The following EXOC2 variants were observed in gnomAD, a reference collection of about 807,000 sequenced individuals.
EXOC2 encodes exocyst complex component 2.
EXOC2 carries 70 observed loss-of-function variants against 131.8 expected under a neutral mutation model. That is an observed-to-expected ratio of 0.53 (90% CI 0.44 to 0.65). The LOEUF (loss-of-function observed/expected upper bound fraction) is 0.65, where lower values mean the gene tolerates loss of function less well. Ranked by LOEUF, EXOC2 falls within the 30% of genes least tolerant of loss-of-function variation. The pLI, the probability that EXOC2 is intolerant of heterozygous loss-of-function variation, is 0.00. For missense variants in EXOC2, 923 were observed against 1,108.6 expected (o/e 0.83, Z 2.38); for synonymous variants, 411 against 398.4 (o/e 1.03, Z -0.38).
chr6:584,614 C>G (rs1269017836), intron 11 of EXOC2, among the ~76,000 whole-genome samples: 1 of 152,196 alleles, frequency 6.6e-6, no homozygotes, highest in Non-Finnish European at 1.5e-5. Context: ...TGTGAAGACT[C>G]GAAATAAACC....
chr6:621,083 G>A (rs1035923337), intron 4 of EXOC2, among the ~76,000 whole-genome samples: 4 of 152,172 alleles, frequency 2.6e-5, no homozygotes, highest in African/African-American at 7.2e-5. Context: ...GCCCCTCCAC[G>A]TTCAGGTGAC....
At chr6:520,948 G>A (rs1462111302) in intron 23 of EXOC2, among the ~76,000 whole-genome samples, 1 of 145,296 alleles carries the variant, frequency 6.9e-6, no homozygotes, top group African/African-American at 2.7e-5. Flanking sequence ...AACACTCACC[G>A]TCCACACTCG....
intron 11 of EXOC2, among the ~76,000 whole-genome samples, chr6:587,249 T>A (rs532109705): frequency 3.2e-5 from 3 of 93,604 alleles, no homozygotes; most frequent in South Asian, 7.3e-4. Context: ...GATATGTGTA[T>A]TTTTTTTTTT....
chr6:513,959 C>T (rs1233724426), intron 23 of EXOC2, among the ~76,000 whole-genome samples: 3 of 152,164 alleles, frequency 2.0e-5, no homozygotes, highest in East Asian at 1.9e-4. Flanking sequence ...TATTTTTAGA[C>T]TCTTGATACA....
At chr6:491,775 TTA>T in intron 25 of EXOC2, among the ~76,000 whole-genome samples, 1 of 152,350 alleles carries the variant, frequency 6.6e-6, no homozygotes, top group East Asian at 1.9e-4. Context: ...CAAAACAATC[TTA>T]GAGTAACACA....
In EXOC2 at chr6:570,408, T is replaced by C. The variant is rs376183538; in HGVS notation, c.1443+2112A>G. Among the ~76,000 whole-genome samples, 69 of 152,322 alleles carry C rather than the reference T, an allele frequency of 4.5e-4. No homozygotes were observed. The East Asian group carries it at 4.6e-3, about 10-fold the overall frequency. On this transcript the variant is annotated intron_variant, in intron 13 of 27. Coordinates refer to ENST00000230449, the MANE Select transcript of EXOC2 (RefSeq NM_018303.6). ...TCGGCCTCCCAAAGTGCTGGGATTA[T>C]AGGCATGAGCCACCGCGCCTGGCCC...
chr6:675,198 A>C (rs1764053376), intron 1 of EXOC2, among the ~76,000 whole-genome samples: 1 of 152,168 alleles, frequency 6.6e-6, no homozygotes, highest in South Asian at 2.1e-4. Flanking sequence ...CTACATTTTA[A>C]AAGTCTTCCC....
chr6:598,204 T>C, intron 9 of EXOC2, 81 bp from the exon 10 acceptor site: 1 of 1,143,554 alleles, frequency 8.7e-7, no homozygotes, highest in Non-Finnish European at 1.2e-6. Context: ...TAGTAGTTGC[T>C]TTTGTGGGGT....
chr6:487,175 AC>A (rs1208418841), intron 27 of EXOC2, among the ~76,000 whole-genome samples: 1 of 152,106 alleles, frequency 6.6e-6, no homozygotes, highest in Non-Finnish European at 1.5e-5. Flanking sequence ...GCATGGCTGC[AC>A]CCTTTCCCCT....
chr6:531,695 TAAC>T (rs1766094936), intron 23 of EXOC2, among the ~76,000 whole-genome samples: 1 of 152,252 alleles, frequency 6.6e-6, no homozygotes, highest in Non-Finnish European at 1.5e-5. Context: ...CCAAACCTGT[TAAC>T]AACTCACTGG....
chr6:632,665 G>A (rs1391455178), intron 3 of EXOC2, among the ~76,000 whole-genome samples: 1 of 152,164 alleles, frequency 6.6e-6, no homozygotes, highest in East Asian at 1.9e-4. Context: ...ACCAAAACTG[G>A]TATATCAAGT....
intron 23 of EXOC2, among the ~76,000 whole-genome samples, chr6:528,606 T>A (rs566168845): frequency 6.6e-6 from 1 of 152,114 alleles, no homozygotes; most frequent in African/African-American, 2.4e-5. Flanking sequence ...GCTGGTAGTA[T>A]GGTGCCATGT....
At chr6:688,115 A>G (rs1293845436) in intron 1 of EXOC2, among the ~76,000 whole-genome samples, 2 of 152,226 alleles carry the variant, frequency 1.3e-5, no homozygotes, top group African/African-American at 2.4e-5. Context: ...GCGATTCTCC[A>G]CTTACATCTC....
At chr6:662,914 C>T (rs976158973) in intron 1 of EXOC2, among the ~76,000 whole-genome samples, 1 of 151,956 alleles carries the variant, frequency 6.6e-6, no homozygotes, top group Non-Finnish European at 1.5e-5. Flanking sequence ...CTGCTTGAAC[C>T]TGGAAGGTGG....
chr6:517,487 C>G (rs1347927048), intron 23 of EXOC2, among the ~76,000 whole-genome samples: 1 of 152,196 alleles, frequency 6.6e-6, no homozygotes, highest in Non-Finnish European at 1.5e-5. Flanking sequence ...AAACTGCTAA[C>G]TAATCAGGCA....
At chr6:658,668 T>TTATATATATATATATATATATATA (rs1561983460) in intron 1 of EXOC2, among the ~76,000 whole-genome samples, 226 of 127,796 alleles carry the variant, frequency 1.8e-3, no homozygotes, top group Non-Finnish European at 2.7e-3. Context: ...TATATATATT[T>TTATATATATATATATATATATATA]TTTTTTTTTT....
At chr6:645,204 A>G (rs1297834674) in intron 1 of EXOC2, among the ~76,000 whole-genome samples, 1 of 152,036 alleles carries the variant, frequency 6.6e-6, no homozygotes, top group African/African-American at 2.4e-5. Flanking sequence ...TGGGAAAAAT[A>G]TTTTAATGGT....
chr6:678,663 A>C (rs1764261135), intron 1 of EXOC2, among the ~76,000 whole-genome samples: 1 of 152,218 alleles, frequency 6.6e-6, no homozygotes, highest in African/African-American at 2.4e-5. Flanking sequence ...GTAACAGTAC[A>C]CAATCGTGAT....
At chr6:607,755 T>A (rs184574287) in intron 7 of EXOC2, among the ~76,000 whole-genome samples, 9 of 152,348 alleles carry the variant, frequency 5.9e-5, no homozygotes, top group African/African-American at 2.2e-4. Flanking sequence ...AAATTTGATG[T>A]AAATAAACTA....
Sources: gnomAD v4.1 joint callset for allele counts (sites outside exome capture counted in the v4.1 genomes callset) on GRCh38, gnomAD v4.1.1 for gene constraint, MANE v1.5 for transcripts, NCBI Gene and HGNC (gene_info 2026-07-23, HGNC 2026-07-21) for gene names.